Variants in PLCXD3 observed in about 807,000 individuals in gnomAD.
PLCXD3 encodes the protein phosphatidylinositol specific phospholipase C X domain containing 3.
In PLCXD3, 19 loss-of-function variants were observed where a neutral mutation model predicts 25.5. That is an observed-to-expected ratio of 0.75 (90% CI 0.52 to 1.09). PLCXD3 has a LOEUF of 1.09. Ranked by LOEUF, PLCXD3 falls within the 50% of genes least tolerant of loss-of-function variation. The pLI is 0.00. For missense variants in PLCXD3, 411 were observed against 388.1 expected, an observed-to-expected ratio of 1.06 and a Z score of -0.50; for synonymous variants, 174 against 137.6, an observed-to-expected ratio of 1.26 and a Z score of -1.85.
intron 1 of PLCXD3, among the ~76,000 whole-genome samples, chr5:41,498,059 G>A (rs765531395): frequency 4.6e-5 from 7 of 151,574 alleles, no homozygotes; most frequent in Non-Finnish European, 1.0e-4. Flanking sequence ...GCAGTACCGA[G>A]AGATTTACAG....
intron 2 of PLCXD3, among the ~76,000 whole-genome samples, chr5:41,328,312 G>T (rs999962946): frequency 3.9e-5 from 6 of 152,144 alleles, no homozygotes; most frequent in Non-Finnish European, 7.3e-5. Flanking sequence ...TTCAGTAGGG[G>T]ATTCTGAGAG....
intron 1 of PLCXD3, among the ~76,000 whole-genome samples, chr5:41,390,720 G>C (rs1229108120): frequency 6.7e-6 from 1 of 150,188 alleles, no homozygotes; most frequent in Non-Finnish European, 1.5e-5. Flanking sequence ...TATCTACACA[G>C]AAAAAAAAAC....
intron 2 of PLCXD3, among the ~76,000 whole-genome samples, chr5:41,314,681 G>A (rs1443309558): frequency 6.6e-6 from 1 of 152,152 alleles, no homozygotes; most frequent in Non-Finnish European, 1.5e-5. Flanking sequence ...TAATGGGGTA[G>A]CATGCTTAAG....
At chr5:41,345,316 T>C (rs1407629735) in intron 2 of PLCXD3, among the ~76,000 whole-genome samples, 1 of 152,116 alleles carries the variant, frequency 6.6e-6, no homozygotes, top group Non-Finnish European at 1.5e-5. Context: ...TGGAAACAAA[T>C]CATGAGAGAG....
intron 1 of PLCXD3, among the ~76,000 whole-genome samples, chr5:41,409,804 TATAAATAGGACTG>T (rs1251403472): frequency 2.6e-4 from 39 of 152,226 alleles, no homozygotes; most frequent in Admixed American, 2.5e-3. Flanking sequence ...CATCCTCATC[TATAAATAGGACTG>T]ATATCACTAC....
At chr5:41,483,766 T>C (rs1273903734) in intron 1 of PLCXD3, among the ~76,000 whole-genome samples, 1 of 152,178 alleles carries the variant, frequency 6.6e-6, no homozygotes, top group African/African-American at 2.4e-5. Flanking sequence ...TATGACAATA[T>C]TTCAGTCTTA....
chr5:41,489,528 C>A lies in PLCXD3; in HGVS notation c.103+20896G>T, dbSNP rs7717768. Among the ~76,000 whole-genome samples, 148 of 152,250 alleles carry A rather than the reference C, an allele frequency of 9.7e-4. 5 individuals carry two copies. The highest frequency in any genetic ancestry group is 3.5e-3 in the African/African-American group (144 of 41,542). On this transcript the variant is annotated intron_variant, in intron 1 of 2. Coordinates refer to ENST00000377801, the MANE Select transcript of PLCXD3 (RefSeq NM_001005473.3). The stretch of plus-strand genomic sequence containing the variant: ...CTGTAAATTACCTTGGGCAGTATGG[C>A]AATTTTCACAATATTGATTCTTCCT...
intron 1 of PLCXD3, among the ~76,000 whole-genome samples, chr5:41,440,400 T>C (rs1321371987): frequency 6.6e-6 from 1 of 151,488 alleles, no homozygotes; most frequent in Non-Finnish European, 1.5e-5. Flanking sequence ...GCCTGGCTAA[T>C]TTTTGTATTT....
intron 2 of PLCXD3, among the ~76,000 whole-genome samples, chr5:41,378,164 T>A (rs1237383728): frequency 6.6e-6 from 1 of 152,080 alleles, no homozygotes; most frequent in Non-Finnish European, 1.5e-5. Context: ...TATTAATAAA[T>A]TGCTTTTGCA....
chr5:41,423,085 CTTTT>C (rs968189595), intron 1 of PLCXD3, among the ~76,000 whole-genome samples: 2 of 151,746 alleles, frequency 1.3e-5, no homozygotes, highest in African/African-American at 4.8e-5. Context: ...ATTATTTTTT[CTTTT>C]TTTATCTGTT....
chr5:41,356,131 TGGC>T, intron 2 of PLCXD3, among the ~76,000 whole-genome samples: 1 of 152,232 alleles, frequency 6.6e-6, no homozygotes, highest in Middle Eastern at 3.4e-3. Flanking sequence ...CCAGGCGTGG[TGGC>T]AGGCGCCTGT....
chr5:41,355,408 C>T (rs1744589213), intron 2 of PLCXD3, among the ~76,000 whole-genome samples: 1 of 152,210 alleles, frequency 6.6e-6, no homozygotes, highest in Non-Finnish European at 1.5e-5. Flanking sequence ...GCATAATTAT[C>T]TTTCTAGGCA....
intron 1 of PLCXD3, among the ~76,000 whole-genome samples, chr5:41,400,688 G>T (rs957687093): frequency 6.6e-6 from 1 of 151,994 alleles, no homozygotes; most frequent in African/African-American, 2.4e-5. Flanking sequence ...ACCAGAAGCT[G>T]GGAAGAATAA....
At chr5:41,425,966 T>A (rs1342274835) in intron 1 of PLCXD3, among the ~76,000 whole-genome samples, 1 of 152,208 alleles carries the variant, frequency 6.6e-6, no homozygotes, top group Non-Finnish European at 1.5e-5. Context: ...TTTGGGTAAA[T>A]GCCGAGGAAT....
At position 41,510,445 on chromosome 5, in the gene PLCXD3, G is replaced by A. The variant is rs1203767979; in HGVS notation, c.82C>T (p.Leu28Phe). 3.1e-6 allele frequency: 5 copies of A among 1,609,946 alleles called. No homozygotes were observed. The South Asian group carries it at 4.4e-5, about 14-fold the overall frequency. The change falls in exon 1 of 3, where the codon CTC becomes TTC. Residue 28 changes from leucine to phenylalanine, a missense_variant. Physicochemically the swap from Leu to Phe is conservative, Grantham distance 22 (BLOSUM62 0). Coordinates refer to ENST00000377801, the MANE Select transcript of PLCXD3 (RefSeq NM_001005473.3). ...CTACCTGGAATGGCTAAATTGGTGA[G>A]GGGGATGCTGTGCATGCTCTCCGGC... ...TLPESMHSIP[L>F]TNLAIPGSHD... is the part of the protein sequence containing the mutation.
chr5:41,501,571 T>A (rs1420441347), intron 1 of PLCXD3, among the ~76,000 whole-genome samples: 5 of 152,008 alleles, frequency 3.3e-5, no homozygotes, highest in Non-Finnish European at 1.5e-5. Flanking sequence ...TCAACAGGTA[T>A]CAAGTTTTAG....
intron 2 of PLCXD3, among the ~76,000 whole-genome samples, chr5:41,336,179 G>C (rs1743974260): frequency 1.3e-5 from 2 of 151,974 alleles, no homozygotes. Context: ...CAATAATAAT[G>C]GTACTACTTC....
At position 41,469,405 on chromosome 5, in the gene PLCXD3, C is replaced by T. The variant is rs76735503; in HGVS notation, c.103+41019G>A. Among the ~76,000 whole-genome samples the T allele has an allele frequency of 4.0e-3, 609 of 151,838 alleles. 6 individuals carry two copies. The highest frequency in any genetic ancestry group is 0.012 in the African/African-American group (510 of 41,442). On this transcript the variant is annotated intron_variant, in intron 1 of 2. Coordinates refer to ENST00000377801, the MANE Select transcript of PLCXD3 (RefSeq NM_001005473.3). Reference sequence around the variant, plus strand: ...AATGAGTTTGGAAATATTTCCTCCACGAGTTTTCTGGAAGAGCTTCAAAAC... The same window carrying T: ...AATGAGTTTGGAAATATTTCCTCCATGAGTTTTCTGGAAGAGCTTCAAAAC...
At chr5:41,475,759 G>A in intron 1 of PLCXD3, 3 of 533,826 alleles carry the variant, frequency 5.6e-6, no homozygotes, top group Middle Eastern at 3.2e-4. Flanking sequence ...TACTACTTGA[G>A]ACCATCATTA....
Sources: allele counts gnomAD v4.1 joint callset (sites outside exome capture counted in the v4.1 genomes callset), GRCh38; gene constraint gnomAD v4.1.1; transcripts MANE v1.5; gene names NCBI Gene and HGNC (gene_info 2026-07-23, HGNC 2026-07-21).